The following FIG4 variants were observed in gnomAD, a reference collection of about 807,000 sequenced individuals.
FIG4 encodes FIG4 phosphoinositide 5-phosphatase.
A neutral mutation model predicts 118.6 loss-of-function variants in FIG4; 112 were observed. The observed-to-expected ratio is 0.94, with a 90% confidence interval of 0.81 to 1.11. The LOEUF is 1.11. Ranked by LOEUF, FIG4 falls within the 50% of genes least tolerant of loss-of-function variation. FIG4 has a pLI of 0.00. For missense variants in FIG4, 969 were observed against 1,111.7 expected, an observed-to-expected ratio of 0.87 and a Z score of 1.83; for synonymous variants, 369 against 381.2, an observed-to-expected ratio of 0.97 and a Z score of 0.37.
At chr6:109,756,343 G>A (rs999992111) in intron 10 of FIG4, among the ~76,000 whole-genome samples, 3 of 152,156 alleles carry the variant, frequency 2.0e-5, no homozygotes, top group Admixed American at 6.5e-5. Context: ...TGGGTAACCT[G>A]ACCTTTCTCT....
chr6:109,700,246 A>G (rs1007352559), intron 1 of FIG4, among the ~76,000 whole-genome samples: 9 of 152,226 alleles, frequency 5.9e-5, no homozygotes, highest in Non-Finnish European at 8.8e-5. Context: ...AAAACTATCA[A>G]TGTAAATTTA....
chr6:109,812,925 T>G (rs1193406943), intron 22 of FIG4, among the ~76,000 whole-genome samples: 4 of 152,160 alleles, frequency 2.6e-5, no homozygotes, highest in African/African-American at 9.7e-5. Flanking sequence ...AGGAGAGAGA[T>G]CCTCGAAAAG....
intron 21 of FIG4, among the ~76,000 whole-genome samples, chr6:109,793,856 T>C (rs1778205719): frequency 6.6e-6 from 1 of 152,202 alleles, no homozygotes; most frequent in Non-Finnish European, 1.5e-5. Context: ...TATGCGTCAT[T>C]GACTGGAAGC....
intron 7 of FIG4, among the ~76,000 whole-genome samples, chr6:109,740,807 A>T (rs1178591684): frequency 6.6e-6 from 1 of 152,154 alleles, no homozygotes; most frequent in African/African-American, 2.4e-5. Flanking sequence ...TGGGTAATTT[A>T]TGAAGAAAAG....
At chr6:109,775,946 A>G (rs1777604835) in intron 15 of FIG4, among the ~76,000 whole-genome samples, 1 of 152,180 alleles carries the variant, frequency 6.6e-6, no homozygotes, top group African/African-American at 2.4e-5. Context: ...TGATTTTATA[A>G]TAATGTTACC....
At chr6:109,820,747 A>G (rs2128401843) in intron 22 of FIG4, among the ~76,000 whole-genome samples, 1 of 152,294 alleles carries the variant, frequency 6.6e-6, no homozygotes, top group South Asian at 2.1e-4. Context: ...CCTCACACAA[A>G]AAAACAGAAC....
intron 15 of FIG4, among the ~76,000 whole-genome samples, chr6:109,775,023 T>G (rs1475460993): frequency 1.3e-5 from 2 of 152,244 alleles, no homozygotes; most frequent in African/African-American, 4.8e-5. Context: ...TCTATTTAAA[T>G]GTAGTCAGTA....
intron 6 of FIG4, among the ~76,000 whole-genome samples, chr6:109,737,072 G>A (rs1458065738): frequency 6.6e-6 from 1 of 152,066 alleles, no homozygotes; most frequent in Non-Finnish European, 1.5e-5. Context: ...TCCTGATTAG[G>A]AACCTTAACT....
intron 4 of FIG4, among the ~76,000 whole-genome samples, chr6:109,732,047 T>A (rs12661287): frequency 0.24 from 35,799 of 152,146 alleles, 4,658 homozygotes; most frequent in Middle Eastern, 0.33. Context: ...TTCACATCAG[T>A]GACAGGAAAA....
At chr6:109,735,632 A>G (rs1343108226) in intron 6 of FIG4, among the ~76,000 whole-genome samples, 1 of 152,100 alleles carries the variant, frequency 6.6e-6, no homozygotes, top group African/African-American at 2.4e-5. Context: ...TAGGTAATAC[A>G]CACTACTTAT....
Position 109,727,195 on chromosome 6 carries a change from A to C in FIG4, c.376A>C (p.Lys126Gln). The C allele has an allele frequency of 6.2e-7, 1 of 1,611,230 alleles. No individual in the cohort carries two copies. The stretch of plus-strand genomic sequence containing the variant: ...GGATATTGGAGGTCATGCAATCTAT[A>C]AGGTCGAAGATACAAATATGATCTA... ...MADIGGHAIYKVEDTNMIYIP... is the reference protein window; with the variant it reads ...MADIGGHAIYQVEDTNMIYIP... The change falls in exon 4 of 23, where the codon AAG (lysine) becomes CAG (glutamine). Residue 126 changes from lysine to glutamine, a missense_variant. Coordinates refer to ENST00000230124, the MANE Select transcript of FIG4 (RefSeq NM_014845.6).
In FIG4 at chr6:109,791,428, G is replaced by A; in HGVS notation, c.2233G>A (p.Ala745Thr). 1 of 1,613,616 alleles carries A rather than the reference G, an allele frequency of 6.2e-7. No homozygotes were observed. Among genetic ancestry groups the A allele is most frequent in the South Asian group, 1.1e-5 (1 of 91,086 alleles). Residue 745 changes from alanine to threonine, a missense_variant, in exon 20 of 23, where the codon GCC becomes ACC. Physicochemically the swap from Ala to Thr is moderately conservative, Grantham distance 58. Coordinates refer to ENST00000230124, the MANE Select transcript of FIG4 (RefSeq NM_014845.6). ...AVLQRKTAAS[A>T]PPPPSEEAVS... ...ATTACAGCGGAAAACGGCAGCCAGC[G>A]CCCCGCCGCCCCCCAGCGAGGAGGC... is the stretch of plus-strand genomic sequence containing the variant.
chr6:109,789,821 A>G (rs772751793), intron 19 of FIG4, 144 bp downstream of exon 19: 7 of 680,460 alleles, frequency 1.0e-5, no homozygotes, highest in Non-Finnish European at 1.9e-5. Context: ...CAATACTGAA[A>G]GTAGAATTTA....
intron 10 of FIG4, among the ~76,000 whole-genome samples, chr6:109,753,426 G>A (rs1406707206): frequency 3.3e-5 from 5 of 151,680 alleles, no homozygotes. Flanking sequence ...GGTGATGCGG[G>A]CTCTTTTTTG....
chr6:109,733,159 A>G (rs1356633512), intron 5 of FIG4, among the ~76,000 whole-genome samples: 1 of 152,154 alleles, frequency 6.6e-6, no homozygotes, highest in East Asian at 1.9e-4. Flanking sequence ...GGCATTGAAC[A>G]TACATGAAAA....
intron 6 of FIG4, among the ~76,000 whole-genome samples, chr6:109,735,998 G>A (rs972892223): frequency 2.6e-5 from 4 of 151,912 alleles, no homozygotes; most frequent in Non-Finnish European, 4.4e-5. Flanking sequence ...AACCAGTCAC[G>A]CAATACCTTT....
intron 1 of FIG4, among the ~76,000 whole-genome samples, chr6:109,702,556 G>T (rs147769026): frequency 2.6e-4 from 40 of 152,222 alleles, no homozygotes; most frequent in Middle Eastern, 3.4e-3. Context: ...TTTCCCTAGT[G>T]GTGTTGATTC....
At position 109,732,698 on chromosome 6, in the gene FIG4, G is replaced by C; in HGVS notation, c.497+11G>C. 6.5e-7 allele frequency: 1 copy of C among 1,527,108 alleles called. No homozygotes were observed. The highest frequency in any genetic ancestry group is 1.7e-5 in the Admixed American group (1 of 59,694). 94.6% of individuals were successfully genotyped at this position (1,527,108 alleles called of 1,614,324 possible). A position where few individuals can be genotyped will look rare whatever the true frequency, so the allele number is the denominator to read the frequency against. ...CAATTTTTACTTTAGGTAAGTGTGAGGTTAGTTTTGCTCCTATCAATCACA... is the reference window on the plus strand; with the variant it reads ...CAATTTTTACTTTAGGTAAGTGTGACGTTAGTTTTGCTCCTATCAATCACA... On this transcript the variant is annotated intron_variant, in intron 5 of 22. Coordinates refer to ENST00000230124, the MANE Select transcript of FIG4 (RefSeq NM_014845.6).
At chr6:109,742,985 C>T (rs1283363155) in intron 8 of FIG4, 125 bp from the exon 9 acceptor site, 5 of 872,362 alleles carry the variant, frequency 5.7e-6, no homozygotes, top group East Asian at 2.7e-5. Context: ...ATTTACCTCT[C>T]AAGACTTTCA....
Sources: gnomAD v4.1 joint callset for allele counts (sites outside exome capture counted in the v4.1 genomes callset) on GRCh38, gnomAD v4.1.1 for gene constraint, MANE v1.5 for transcripts, NCBI Gene and HGNC (gene_info 2026-07-23, HGNC 2026-07-21) for gene names.